Variants in DAPK2 observed in about 807,000 individuals in gnomAD.
DAPK2 encodes the protein death associated protein kinase 2.
In DAPK2, 35 loss-of-function variants were observed where a neutral mutation model predicts 44.1. That is an observed-to-expected ratio of 0.79 (90% CI 0.61 to 1.05). The LOEUF (loss-of-function observed/expected upper bound fraction) is 1.05. Ranked by LOEUF, DAPK2 falls within the 50% of genes least tolerant of loss-of-function variation. The probability of loss-of-function intolerance (pLI) is 0.00; values close to 1 mark genes in which losing one functional copy is unlikely to be tolerated. For missense variants in DAPK2, 453 were observed against 483.2 expected (o/e 0.94, Z 0.59); for synonymous variants, 174 against 182.6 (o/e 0.95, Z 0.38).
At chr15:63,961,648 T>C (rs1332625789) in intron 3 of DAPK2, among the ~76,000 whole-genome samples, 1 of 152,214 alleles carries the variant, frequency 6.6e-6, no homozygotes, top group Non-Finnish European at 1.5e-5. Flanking sequence ...ATTCTTTTCT[T>C]TAAGAATGTT....
chr15:63,928,471 T>A (rs1055321767), intron 6 of DAPK2: 5 of 152,210 alleles, frequency 3.3e-5, no homozygotes, highest in Admixed American at 6.5e-5. Context: ...TTTCCATGTG[T>A]GCCATGAAGG....
chr15:63,926,102 G>A lies in DAPK2; in HGVS notation c.660-9C>T, dbSNP rs367589313. 8.0e-5 allele frequency: 127 copies of A among 1,590,804 alleles called. No homozygotes were observed. Among genetic ancestry groups the A allele is most frequent in the Middle Eastern group, 1.7e-4 (1 of 5,928 alleles). On this transcript the variant is annotated splice_polypyrimidine_tract_variant and intron_variant, in intron 6 of 10. Transcript: ENST00000261891. ...GGGATGCTCCACTTAAGCTGAGTAC[G>A]ACAGACAGGGAATCAAATAACTAAG... is the stretch of plus-strand genomic sequence containing the variant.
At chr15:63,941,562 CTG>C (rs1202291030) in intron 3 of DAPK2, among the ~76,000 whole-genome samples, 6 of 152,220 alleles carry the variant, frequency 3.9e-5, no homozygotes, top group Non-Finnish European at 7.3e-5. Flanking sequence ...CCTATGGTCT[CTG>C]TGACCTTCCA....
chr15:63,913,703 TG>T (rs2078855411), intron 8 of DAPK2, among the ~76,000 whole-genome samples: 1 of 152,210 alleles, frequency 6.6e-6, no homozygotes, highest in South Asian at 2.1e-4. Context: ...CACGCTGCTC[TG>T]GAGCTGGCAG....
At chr15:64,044,206 A>AG (rs1349583170), upstream of DAPK2, among the ~76,000 whole-genome samples, 7 of 152,174 alleles carry the variant, frequency 4.6e-5, no homozygotes, top group Non-Finnish European at 7.4e-5. Flanking sequence ...CATCAGCTCC[A>AG]GATGCTCCCA....
chr15:63,926,044 C>T, exon 7 of DAPK2: 6 of 1,613,862 alleles, frequency 3.7e-6, no homozygotes, highest in South Asian at 1.1e-5. Context: ...GTGATATTTG[C>T]CAGTGTTTCC....
At chr15:63,960,599 T>A (rs1241087741) in intron 3 of DAPK2, among the ~76,000 whole-genome samples, 1 of 152,252 alleles carries the variant, frequency 6.6e-6, no homozygotes, top group African/African-American at 2.4e-5. Flanking sequence ...TGTCTTCATT[T>A]CGTTATGTAC....
chr15:63,961,423 G>A (rs539381642), intron 3 of DAPK2, among the ~76,000 whole-genome samples: 155 of 152,348 alleles, frequency 1.0e-3, no homozygotes, highest in South Asian at 3.1e-3. Context: ...AGTTGATGCA[G>A]TTTCTTCCTA....
intron 6 of DAPK2, 82 bp downstream of exon 7, chr15:63,929,469 T>C: frequency 6.4e-7 from 1 of 1,562,484 alleles, no homozygotes; most frequent in Non-Finnish European, 8.8e-7. Flanking sequence ...TAAATGTCAG[T>C]CTATCAGCCT....
Position 63,912,284 on chromosome 15 carries a change from T to G in DAPK2, c.859-87A>C. ...GCCGCAGAACTCCCCACCCACCGCATGCCCACCGCCCTTGGCTTGACCCTG... is the reference window on the plus strand; with the variant it reads ...GCCGCAGAACTCCCCACCCACCGCAGGCCCACCGCCCTTGGCTTGACCCTG... On this transcript the variant is annotated intron_variant, in intron 8 of 10. Transcript: ENST00000261891. The surrounding 1 kb of genome is among the most constrained non-coding windows in gnomAD (Gnocchi z 4.4). 7.4e-7 allele frequency: 1 copy of G among 1,350,978 alleles called. No individual in the cohort carries two copies. The highest frequency in any genetic ancestry group is 1.0e-6 in the Non-Finnish European group (1 of 962,660). 83.7% of individuals were successfully genotyped at this position (1,350,978 alleles called of 1,614,324 possible).
chr15:63,992,342 A>C (rs1383560922), intron 1 of DAPK2, among the ~76,000 whole-genome samples: 2 of 151,848 alleles, frequency 1.3e-5, no homozygotes, highest in Non-Finnish European at 2.9e-5. Context: ...GGAAGGTACC[A>C]CCCACCACCC....
intron 1 of DAPK2, among the ~76,000 whole-genome samples, chr15:64,017,633 G>C (rs1052876111): frequency 6.6e-6 from 1 of 152,198 alleles, no homozygotes; most frequent in African/African-American, 2.4e-5. Flanking sequence ...TGTGTCTCCA[G>C]GCCACTTAAC....
chr15:64,017,622 CTG>C (rs1442226658), intron 1 of DAPK2, among the ~76,000 whole-genome samples: 1 of 152,222 alleles, frequency 6.6e-6, no homozygotes, highest in Non-Finnish European at 1.5e-5. Flanking sequence ...CTCTTCCTAG[CTG>C]TGTCTCCAGG....
chr15:64,040,100 G>T, intron 1 of DAPK2, 70 bp downstream of exon 2: 2 of 1,270,794 alleles, frequency 1.6e-6, no homozygotes, highest in South Asian at 2.4e-5. Context: ...AACACCAACT[G>T]ACAACTGTGC....
intron 1 of DAPK2, among the ~76,000 whole-genome samples, chr15:64,045,699 A>T (rs988177287): frequency 6.6e-6 from 1 of 152,176 alleles, no homozygotes; most frequent in Non-Finnish European, 1.5e-5. Context: ...GGACCTCCAA[A>T]ATGCCTAGCC....
chr15:63,987,887 T>C (rs12148278), intron 1 of DAPK2, among the ~76,000 whole-genome samples: 87,583 of 151,876 alleles, frequency 0.58, 26,248 homozygotes, highest in Non-Finnish European at 0.66. Context: ...CACATGGGGA[T>C]GATAATACCT....
intron 3 of DAPK2, among the ~76,000 whole-genome samples, chr15:63,948,679 C>T (rs1015853913): frequency 6.6e-6 from 1 of 152,226 alleles, no homozygotes; most frequent in African/African-American, 2.4e-5. Context: ...GCCTGCTTCT[C>T]ACACTCCTCC....
chr15:63,989,256 T>C (rs1387387760), intron 1 of DAPK2, among the ~76,000 whole-genome samples: 1 of 149,096 alleles, frequency 6.7e-6, no homozygotes, highest in African/African-American at 2.5e-5. Context: ...CTCAGGATGC[T>C]GAGGTGGGAG....
chr15:64,028,973 T>C (rs1005262576), intron 1 of DAPK2, among the ~76,000 whole-genome samples: 6 of 152,178 alleles, frequency 3.9e-5, no homozygotes, highest in African/African-American at 1.4e-4. Context: ...TTTAAGTATA[T>C]GAACTCTGGA....
Sources: allele counts gnomAD v4.1 joint callset (sites outside exome capture counted in the v4.1 genomes callset), GRCh38; gene constraint gnomAD v4.1.1; non-coding constraint Gnocchi (gnomAD v3.1); transcripts MANE v1.5; gene names NCBI Gene and HGNC (gene_info 2026-07-23, HGNC 2026-07-21).